TENM1: variants seen among roughly 807,000 people sequenced by gnomAD.
The protein encoded by TENM1 is teneurin transmembrane protein 1.
In TENM1, 35 loss-of-function variants were observed where a neutral mutation model predicts 174.8. The ratio of observed to expected loss-of-function variants is 0.20; its 90% CI spans 0.15 to 0.27. The LOEUF (loss-of-function observed/expected upper bound fraction) is 0.27, where lower values mean the gene tolerates loss of function less well. Among genes scored for constraint, TENM1 ranks in the 10% least tolerant of loss-of-function variants. The probability of loss-of-function intolerance (pLI) is 1.00; values close to 1 mark genes in which losing one functional copy is unlikely to be tolerated. For missense variants in TENM1, 1,633 were observed against 2,130.1 expected (o/e 0.77, Z 4.59); for synonymous variants, 781 against 798.7 (o/e 0.98, Z 0.37).
At chrX:124,550,251 G>A (rs2048530898) in intron 14 of TENM1, among the ~76,000 whole-genome samples, 1 of 111,448 alleles carries the variant, frequency 9.0e-6, no homozygotes, top group Admixed American at 9.5e-5. Context: ...GCTGAAAGGG[G>A]AAATGGATGA....
At chrX:124,453,299 C>T (rs1213267952) in intron 23 of TENM1, 38 bp downstream of exon 26, 13 of 1,160,406 alleles carry the variant, frequency 1.1e-5, no homozygotes, top group Non-Finnish European at 1.5e-5. Context: ...TTCCATGATG[C>T]CAAATGACAA....
chrX:124,877,135 A>T (rs1183091464), intron 3 of TENM1, among the ~76,000 whole-genome samples: 4 of 112,360 alleles, frequency 3.6e-5, no homozygotes, highest in African/African-American at 1.3e-4. Context: ...GAAATAGGTG[A>T]TCATACAGAG....
chrX:124,970,962 A>C, the TENM1 span, among the ~76,000 whole-genome samples: 14 of 109,999 alleles, frequency 1.3e-4, no homozygotes, highest in African/African-American at 4.6e-4. Flanking sequence ...AGCCATAAAA[A>C]AGGATGAGTT....
At chrX:124,443,636 G>C (rs2060934542) in intron 23 of TENM1, among the ~76,000 whole-genome samples, 1 of 111,929 alleles carries the variant, frequency 8.9e-6, no homozygotes, top group Admixed American at 9.5e-5. Flanking sequence ...CTGCATGGAG[G>C]GAGCTTTATG....
intron 27 of TENM1, among the ~76,000 whole-genome samples, chrX:124,394,393 A>T (rs758754880): frequency 6.2e-4 from 69 of 112,037 alleles, no homozygotes; most frequent in Admixed American, 5.2e-3. Context: ...ACCTTTCTGA[A>T]AAACCTAAAC....
At chrX:124,857,924 C>T (rs1332049287) in intron 3 of TENM1, among the ~76,000 whole-genome samples, 1 of 111,142 alleles carries the variant, frequency 9.0e-6, no homozygotes, top group East Asian at 2.8e-4. Flanking sequence ...ATATTCATAT[C>T]CATACTTCAA....
chrX:124,764,679 C>G (rs939533154), intron 3 of TENM1, among the ~76,000 whole-genome samples: 1 of 98,442 alleles, frequency 1.0e-5, no homozygotes, highest in African/African-American at 4.0e-5. Context: ...TTTGTTTGGA[C>G]TGTTTTTTTT....
At chrX:124,844,671 T>C in intron 3 of TENM1, among the ~76,000 whole-genome samples, 1 of 111,910 alleles carries the variant, frequency 8.9e-6, no homozygotes, top group East Asian at 2.8e-4. Flanking sequence ...ATGTCACTGA[T>C]TGTGGAAACT....
intron 1 of TENM1, among the ~76,000 whole-genome samples, chrX:124,959,413 T>G (rs1160550526): frequency 1.8e-5 from 2 of 111,508 alleles, no homozygotes; most frequent in Non-Finnish European, 3.8e-5. Flanking sequence ...TGGCTAAAAA[T>G]ATAAATTGGT....
chrX:124,511,830 T>C (rs1314944546), intron 18 of TENM1, among the ~76,000 whole-genome samples: 9 of 111,918 alleles, frequency 8.0e-5, no homozygotes, highest in Admixed American at 5.7e-4. Context: ...AAAGCAACCA[T>C]AGCTTAGCAC....
At chrX:124,560,017 T>C (rs2048777251) in intron 14 of TENM1, among the ~76,000 whole-genome samples, 1 of 110,206 alleles carries the variant, frequency 9.1e-6, no homozygotes, top group Non-Finnish European at 1.9e-5. Flanking sequence ...AGGTAAAAGG[T>C]ATATAATGAA....
At chrX:124,870,949 T>C (rs1371602888) in intron 3 of TENM1, among the ~76,000 whole-genome samples, 1 of 111,868 alleles carries the variant, frequency 8.9e-6, no homozygotes, top group African/African-American at 3.2e-5. Context: ...CAAATCAGGA[T>C]AGTTGGCATG....
intron 20 of TENM1, 103 bp downstream of exon 23, chrX:124,496,913 C>T: frequency 2.3e-6 from 2 of 865,713 alleles, no homozygotes; most frequent in South Asian, 2.4e-5. Flanking sequence ...ACAATAGGGG[C>T]AACTACATTT....
At chrX:124,950,659 G>T (rs1243266925) in intron 1 of TENM1, among the ~76,000 whole-genome samples, 1 of 111,716 alleles carries the variant, frequency 9.0e-6, no homozygotes. Context: ...TATCACAAAA[G>T]CTTGGTGATA....
intron 5 of TENM1, among the ~76,000 whole-genome samples, chrX:124,704,609 C>A (rs1228303054): frequency 9.0e-6 from 1 of 111,625 alleles, no homozygotes; most frequent in East Asian, 2.8e-4. Context: ...CTGATAGCTT[C>A]CAAATAACTG....
At chrX:124,526,549 T>C (rs1049920917) in intron 16 of TENM1, among the ~76,000 whole-genome samples, 1 of 111,835 alleles carries the variant, frequency 8.9e-6, no homozygotes, top group Non-Finnish European at 1.9e-5. Flanking sequence ...CAATGCCAAA[T>C]AGAATGCTGA....
intron 20 of TENM1, among the ~76,000 whole-genome samples, chrX:124,488,491 GT>G (rs1486367983): frequency 8.9e-6 from 1 of 112,157 alleles, no homozygotes; most frequent in Non-Finnish European, 1.9e-5. Context: ...TGACTTTTCT[GT>G]TTCCTTTGCT....
chrX:125,160,710 T>C, the TENM1 span, among the ~76,000 whole-genome samples: 1 of 109,969 alleles, frequency 9.1e-6, no homozygotes, highest in Non-Finnish European at 1.9e-5. Context: ...CTTATCTATA[T>C]GCTTCAAGAA....
At chrX:124,717,954 G>A (rs1030753290) in intron 4 of TENM1, among the ~76,000 whole-genome samples, 1 of 112,165 alleles carries the variant, frequency 8.9e-6, no homozygotes, top group Non-Finnish European at 1.9e-5. Context: ...TTCTATTTTT[G>A]AAATGAAGGT....
Sources: gnomAD v4.1 joint callset for allele counts (sites outside exome capture counted in the v4.1 genomes callset) on GRCh38, gnomAD v4.1.1 for gene constraint, MANE v1.5 for transcripts, NCBI Gene and HGNC (gene_info 2026-07-23, HGNC 2026-07-21) for gene names.